The following RAPGEF2 variants were observed in gnomAD, a reference collection of about 807,000 sequenced individuals.
RAPGEF2 encodes Rap guanine nucleotide exchange factor 2.
In RAPGEF2, 54 loss-of-function variants were observed where a neutral mutation model predicts 186.7. The observed-to-expected ratio is 0.29, with a 90% CI of 0.23 to 0.36. RAPGEF2 has a LOEUF of 0.36. Ranked by LOEUF, RAPGEF2 falls within the 10% of genes least tolerant of loss-of-function variation. The probability of loss-of-function intolerance (pLI) is 1.00; values close to 1 mark genes in which losing one functional copy is unlikely to be tolerated. For missense variants in RAPGEF2, 1,532 were observed against 2,045.0 expected (o/e 0.75, Z 4.84); for synonymous variants, 712 against 705.9 (o/e 1.01, Z -0.14).
intron 10 of RAPGEF2, 71 bp downstream of exon 10, chr4:159,322,554 C>T: frequency 7.4e-7 from 1 of 1,351,198 alleles, no homozygotes; most frequent in Non-Finnish European, 1.0e-6. Flanking sequence ...TGAACAAAAC[C>T]CCAATTCTTA....
chr4:159,293,218 C>T (rs1193421727), intron 7 of RAPGEF2, among the ~76,000 whole-genome samples: 1 of 152,080 alleles, frequency 6.6e-6, no homozygotes, highest in East Asian at 1.9e-4. Flanking sequence ...ACAATTTTCT[C>T]GTCTTAATAT....
chr4:159,112,981 AAG>A (rs1015420941), intron 1 of RAPGEF2, among the ~76,000 whole-genome samples: 2 of 152,240 alleles, frequency 1.3e-5, no homozygotes, highest in African/African-American at 4.8e-5. Flanking sequence ...TGTATTGAGA[AAG>A]AGATATCTCT....
chr4:159,264,448 G>C (rs2110763368), intron 7 of RAPGEF2, among the ~76,000 whole-genome samples: 1 of 152,280 alleles, frequency 6.6e-6, no homozygotes, highest in Non-Finnish European at 1.5e-5. Context: ...CCATCAGCAT[G>C]GGGGTAATTT....
intron 9 of RAPGEF2, among the ~76,000 whole-genome samples, chr4:159,320,397 G>T (rs1384702429): frequency 6.6e-6 from 1 of 152,098 alleles, no homozygotes; most frequent in Non-Finnish European, 1.5e-5. Context: ...ACTCATTCCA[G>T]AAATAAAAGT....
intron 1 of RAPGEF2, among the ~76,000 whole-genome samples, chr4:159,154,184 C>T (rs1214425696): frequency 3.3e-5 from 5 of 152,136 alleles, no homozygotes; most frequent in African/African-American, 9.7e-5. Context: ...GATACATTAT[C>T]ACCTAGCAGT....
intron 3 of RAPGEF2, among the ~76,000 whole-genome samples, chr4:159,207,005 G>A (rs1041332257): frequency 1.3e-5 from 2 of 152,160 alleles, no homozygotes; most frequent in South Asian, 2.1e-4. Flanking sequence ...AGAAGGGATA[G>A]CTCAAAGAAA....
intron 7 of RAPGEF2, among the ~76,000 whole-genome samples, chr4:159,247,373 G>C (rs1754763595): frequency 6.6e-6 from 1 of 152,048 alleles, no homozygotes; most frequent in Non-Finnish European, 1.5e-5. Flanking sequence ...ACAGGAGTCG[G>C]GGATGGTTTC....
chr4:159,252,922 C>T (rs1004815650), intron 7 of RAPGEF2, among the ~76,000 whole-genome samples: 1 of 152,048 alleles, frequency 6.6e-6, no homozygotes, highest in Non-Finnish European at 1.5e-5. Flanking sequence ...TAGTGATACA[C>T]CCATTACACA....
chr4:159,303,296 G>T (rs1157129067), intron 7 of RAPGEF2, among the ~76,000 whole-genome samples: 3 of 152,156 alleles, frequency 2.0e-5, no homozygotes, highest in East Asian at 3.9e-4. Flanking sequence ...AAAGGTGGAC[G>T]GGAATACTAC....
chr4:159,141,245 C>T (rs1443982592), intron 1 of RAPGEF2, among the ~76,000 whole-genome samples: 4 of 152,090 alleles, frequency 2.6e-5, no homozygotes, highest in Non-Finnish European at 4.4e-5. Context: ...ATAATCCTAT[C>T]GGGATATTTA....
Position 159,341,629 on chromosome 4 carries a change from TGA to T in RAPGEF2, c.2608_2609del (p.Gln871AsnfsTer21). On this transcript the variant is annotated frameshift_variant, in exon 20 of 30. Transcript: ENST00000691494. LOFTEE classifies it high-confidence loss of function. ...TCAGATGAAGATGCTCAGGAGTTGT[TGA>T]GAGAGAGTCAAATTTCCCTCCTTCA... The T allele has an allele frequency of 6.2e-7, 1 of 1,613,872 alleles. No homozygotes were observed. The highest frequency in any genetic ancestry group is 8.5e-7 in the Non-Finnish European group (1 of 1,179,866).
intron 1 of RAPGEF2, among the ~76,000 whole-genome samples, chr4:159,134,330 T>A (rs1741458736): frequency 6.6e-6 from 1 of 152,246 alleles, no homozygotes; most frequent in Non-Finnish European, 1.5e-5. Context: ...TTCTTTTTAT[T>A]GCTGAATAGT....
At chr4:159,332,386 C>G (rs1471628114) in intron 16 of RAPGEF2, 65 bp from the exon 17 acceptor site, 3 of 1,498,334 alleles carry the variant, frequency 2.0e-6, no homozygotes, top group Non-Finnish European at 2.7e-6. Context: ...TCCACAATTG[C>G]CTTAGAATTG....
In RAPGEF2 at chr4:159,353,843, C is replaced by T. The variant is rs201125803; in HGVS notation, c.4448C>T (p.Ser1483Phe). Residue 1483 changes from serine (S) to phenylalanine (F), a missense_variant, in exon 28 of 30, where the codon TCC (serine) becomes TTC (phenylalanine). Ser to Phe is a radical substitution (Grantham distance 155, BLOSUM62 -2). Around this residue, in one of 4 missense-constraint regions of RAPGEF2, gnomAD observed 594 missense variants for 608.5 expected, o/e 0.98. Coordinates refer to ENST00000691494, the MANE Select transcript of RAPGEF2 (RefSeq NM_001394067.2). This position sits in a 1 kb window ranked among gnomAD's most constrained non-coding sequence, Gnocchi z 4.3. Reference protein sequence around the residue: ...QSRESLEQAQSRASWASSTGY... With the variant: ...QSRESLEQAQFRASWASSTGY... The stretch of plus-strand genomic sequence containing the variant: ...AGAGAGAGCCTTGAACAAGCCCAGT[C>T]CCGAGCAAGCTGGGCGTCTTCCACA... 4.3e-5 allele frequency: 70 copies of T among 1,614,088 alleles called. No homozygotes were observed. Among genetic ancestry groups the T allele is most frequent in the Non-Finnish European group, 5.6e-5 (66 of 1,180,038 alleles).
At position 159,186,663 on chromosome 4, in the gene RAPGEF2, T is replaced by G. The variant is rs1747583480; in HGVS notation, c.91T>G (p.Tyr31Asp). The change falls in exon 2 of 30, where the codon TAT becomes GAT. Residue 31 changes from tyrosine (Y) to aspartate (D), a missense_variant. Tyr to Asp is a radical substitution (Grantham distance 160, BLOSUM62 -3). Transcript: ENST00000691494. ...TPQDLEIVYS[Y>D]LHGMEALSNL... ...ACAGGATCTGGAAATAGTATATTCC[T>G]ATTTACATGGTATGGAAGCCTTATC... The G allele has an allele frequency of 6.8e-7, 1 of 1,463,710 alleles. No individual in the cohort carries two copies. The highest frequency in any genetic ancestry group is 1.4e-5 in the African/African-American group (1 of 70,574). The allele number at this position is 1,463,710 out of a possible 1,614,324, so 90.7% of individuals were successfully genotyped here.
chr4:159,144,799 C>A (rs1462035495), intron 1 of RAPGEF2, among the ~76,000 whole-genome samples: 2 of 151,156 alleles, frequency 1.3e-5, no homozygotes, highest in Non-Finnish European at 2.9e-5. Flanking sequence ...TAGCTCTAAC[C>A]TTTTAAGTAC....
intron 17 of RAPGEF2, among the ~76,000 whole-genome samples, chr4:159,337,910 A>AAAG (rs1554040114): frequency 1.7e-4 from 24 of 143,156 alleles, no homozygotes; most frequent in African/African-American, 5.7e-4. Flanking sequence ...AAAAAAAAAA[A>AAAG]AAAGAAAGAA....
intron 1 of RAPGEF2, among the ~76,000 whole-genome samples, chr4:159,139,332 G>C (rs981989134): frequency 2.6e-5 from 4 of 152,178 alleles, no homozygotes; most frequent in South Asian, 2.1e-4. Context: ...ACTCCATTAA[G>C]TGTTTCCATT....
At chr4:159,223,929 C>T (rs1394598247) in intron 4 of RAPGEF2, among the ~76,000 whole-genome samples, 1 of 151,098 alleles carries the variant, frequency 6.6e-6, no homozygotes, top group Non-Finnish European at 1.5e-5. Context: ...GACAGAGTCT[C>T]GCTCTGCCAC....
Sources: gnomAD v4.1 joint callset for allele counts (sites outside exome capture counted in the v4.1 genomes callset) on GRCh38, gnomAD v4.1.1 for gene constraint, gnomAD v4.1.1 regional missense constraint, Gnocchi (gnomAD v3.1) non-coding constraint, MANE v1.5 for transcripts, NCBI Gene and HGNC (gene_info 2026-07-23, HGNC 2026-07-21) for gene names.